RILPL2: variants seen among roughly 807,000 people sequenced by gnomAD.
RILPL2 encodes the protein Rab interacting lysosomal protein like 2.
RILPL2 carries 19 observed loss-of-function variants against 22.2 expected under a neutral mutation model. That is an observed-to-expected ratio of 0.86 (90% CI 0.60 to 1.25). The LOEUF (loss-of-function observed/expected upper bound fraction) is 1.25, where lower values mean the gene tolerates loss of function less well. Among genes scored for constraint, RILPL2 ranks in the 50% most tolerant of loss-of-function variants. RILPL2 has a pLI of 0.00. For missense variants in RILPL2, 243 were observed against 263.6 expected (o/e 0.92, Z 0.54); for synonymous variants, 123 against 111.6 (o/e 1.10, Z -0.64).
chr12:123,433,649 C>T (rs1260772336), intron 1 of RILPL2, among the ~76,000 whole-genome samples: 4 of 150,168 alleles, frequency 2.7e-5, no homozygotes, highest in Non-Finnish European at 3.0e-5. Context: ...TGGCCTCAAG[C>T]GATCTGCCTG....
At chr12:123,422,003 CTCTT>C (rs1341022240) in intron 3 of RILPL2, among the ~76,000 whole-genome samples, 1 of 108,662 alleles carries the variant, frequency 9.2e-6, no homozygotes, top group Admixed American at 9.6e-5. Flanking sequence ...TTCTTTCTCT[CTCTT>C]TTTTTTTTTT....
chr12:123,432,774 AAC>A (rs937220525), intron 1 of RILPL2, among the ~76,000 whole-genome samples: 1 of 152,176 alleles, frequency 6.6e-6, no homozygotes, highest in African/African-American at 2.4e-5. Flanking sequence ...AGGCAAAAAT[AAC>A]ACAGAATGTG....
At chr12:123,416,106 C>G (rs1301782427) in intron 3 of RILPL2, among the ~76,000 whole-genome samples, 185 bp from the exon 4 acceptor site, 1 of 151,690 alleles carries the variant, frequency 6.6e-6, no homozygotes, top group Non-Finnish European at 1.5e-5. Context: ...ATGAGGATCA[C>G]TTGATCCCAG....
In RILPL2 at chr12:123,420,068, A is replaced by G. The variant is rs1593488359; in HGVS notation, c.605+2976T>C. Among the ~76,000 whole-genome samples the G allele has an allele frequency of 2.4e-5, 3 of 127,410 alleles. 1 individual carries two copies. The highest frequency in any genetic ancestry group is 5.0e-4 in the South Asian group (2 of 4,022). 83.6% of individuals were successfully genotyped at this position (127,410 alleles called of 152,430 possible). A position where few individuals can be genotyped will look rare whatever the true frequency, so the allele number is the denominator to read the frequency against. ...GAGACAGAGTCTTGCTCTGTTGCCCAGGCTGGAGTGCAGTGGTGTGATCTT... is the reference window on the plus strand; with the variant it reads ...GAGACAGAGTCTTGCTCTGTTGCCCGGGCTGGAGTGCAGTGGTGTGATCTT... On this transcript the variant is annotated intron_variant, in intron 3 of 3. Coordinates refer to ENST00000280571, the MANE Select transcript of RILPL2 (RefSeq NM_145058.3).
rs142610157 is a variant in RILPL2 at position 123,416,440 on chromosome 12, C to T, written c.606-519G>A. ...AGATCATGAGGTCAGGAGATCGAGACCATCCTGGCTCACACGGTGAAACCC... is the reference window on the plus strand; with the variant it reads ...AGATCATGAGGTCAGGAGATCGAGATCATCCTGGCTCACACGGTGAAACCC... On this transcript the variant is annotated intron_variant, in intron 3 of 3. Coordinates refer to ENST00000280571, the MANE Select transcript of RILPL2 (RefSeq NM_145058.3). Among the ~76,000 whole-genome samples the T allele has an allele frequency of 1.0e-3, 158 of 152,194 alleles. 3 individuals are homozygous for T. The highest frequency in any genetic ancestry group is 7.4e-4 in the Non-Finnish European group (50 of 68,020).
At chr12:123,412,806 T>C (rs568233816), downstream of RILPL2, 2 of 152,360 alleles carry the variant, frequency 1.3e-5, no homozygotes, top group Admixed American at 6.5e-5. Flanking sequence ...TCTGGACCCA[T>C]AAAGCTTGGC....
At chr12:123,416,567 G>T (rs183082417) in intron 3 of RILPL2, among the ~76,000 whole-genome samples, 2 of 151,988 alleles carry the variant, frequency 1.3e-5, no homozygotes, top group African/African-American at 4.8e-5. Context: ...ATAAACCCGG[G>T]AGGCGGAGCT....
At chr12:123,425,834 T>C (rs1240804676) in intron 2 of RILPL2, among the ~76,000 whole-genome samples, 4 of 151,838 alleles carry the variant, frequency 2.6e-5, no homozygotes, top group African/African-American at 9.7e-5. Flanking sequence ...GTATATTTAG[T>C]AGAGATGAGA....
intron 2 of RILPL2, among the ~76,000 whole-genome samples, chr12:123,430,283 C>T (rs1879594168): frequency 6.6e-6 from 1 of 151,590 alleles, no homozygotes; most frequent in South Asian, 2.1e-4. Flanking sequence ...GTGGCGGGCG[C>T]CTGTAGTCCC....
chr12:123,420,315 G>T lies in RILPL2; in HGVS notation c.605+2729C>A, dbSNP rs143008486. Among the ~76,000 whole-genome samples, 276 of 152,050 alleles carry T rather than the reference G, an allele frequency of 1.8e-3. 3 individuals carry two copies. Among genetic ancestry groups the T allele is most frequent in the Non-Finnish European group, 2.4e-3 (163 of 67,974 alleles). ...GCTGGGATTACAGGCCTGAGCCACT[G>T]CGCCTGGCAGAGACGGGGTTTCACC... On this transcript the variant is annotated intron_variant, in intron 3 of 3. Coordinates refer to ENST00000280571, the MANE Select transcript of RILPL2 (RefSeq NM_145058.3).
At chr12:123,422,981 G>T in intron 3 of RILPL2, 63 bp downstream of exon 3, 2 of 1,214,818 alleles carry the variant, frequency 1.6e-6, no homozygotes, top group Non-Finnish European at 2.4e-6. Flanking sequence ...GCCTCTTCTT[G>T]CCCCCGACTA....
At chr12:123,425,156 T>A (rs985878165) in intron 2 of RILPL2, among the ~76,000 whole-genome samples, 1 of 151,948 alleles carries the variant, frequency 6.6e-6, no homozygotes, top group African/African-American at 2.4e-5. Context: ...TGTACAGGCA[T>A]AAGCCACTGC....
chr12:123,410,515 C>G (rs1024757651), downstream of RILPL2, among the ~76,000 whole-genome samples: 3 of 152,196 alleles, frequency 2.0e-5, no homozygotes, highest in Non-Finnish European at 4.4e-5. Context: ...GCCTCCTCCC[C>G]CAAAGATTCA....
At chr12:123,414,928 G>C (rs935290103), downstream of RILPL2, 11 of 47,112 alleles carry the variant, frequency 2.3e-4, no homozygotes, top group African/African-American at 6.0e-4. Context: ...GAGAGACTCC[G>C]TCTCAAAAAA....
At chr12:123,429,488 G>A (rs1427535786) in intron 2 of RILPL2, among the ~76,000 whole-genome samples, 1 of 151,626 alleles carries the variant, frequency 6.6e-6, no homozygotes, top group South Asian at 2.1e-4. Context: ...GTAGAGATGG[G>A]GTTTCACCAT....
At chr12:123,434,063 CTTT>C (rs1566094074) in intron 1 of RILPL2, among the ~76,000 whole-genome samples, 1 of 151,972 alleles carries the variant, frequency 6.6e-6, no homozygotes, top group Admixed American at 6.6e-5. Flanking sequence ...TTTTGTTTTT[CTTT>C]TTTAACTGTG....
chr12:123,433,755 C>G (rs1261748438), intron 1 of RILPL2, among the ~76,000 whole-genome samples: 1 of 152,152 alleles, frequency 6.6e-6, no homozygotes, highest in Non-Finnish European at 1.5e-5. Flanking sequence ...GTGTGTCTGA[C>G]CTCTCCCACT....
chr12:123,417,411 T>C (rs769228613), intron 3 of RILPL2, among the ~76,000 whole-genome samples: 1 of 152,048 alleles, frequency 6.6e-6, no homozygotes, highest in Non-Finnish European at 1.5e-5. Flanking sequence ...AATACGGTCA[T>C]GTTACTCTCC....
chr12:123,418,516 A>C (rs1359901287), intron 3 of RILPL2, among the ~76,000 whole-genome samples: 1 of 152,170 alleles, frequency 6.6e-6, no homozygotes, highest in African/African-American at 2.4e-5. Flanking sequence ...TCCACGAGCC[A>C]GAGACTTTAG....
Sources: allele counts gnomAD v4.1 joint callset (sites outside exome capture counted in the v4.1 genomes callset), GRCh38; gene constraint gnomAD v4.1.1; transcripts MANE v1.5; gene names NCBI Gene and HGNC (gene_info 2026-07-23, HGNC 2026-07-21).